UBE2N: variants seen among roughly 807,000 people sequenced by gnomAD.
UBE2N encodes the protein ubiquitin-conjugating enzyme E2 N.
For synonymous variants in UBE2N, 70 were observed against 69.2 expected (o/e 1.01, Z -0.06); for missense variants, 60 against 192.1 (o/e 0.31, Z 4.07).
At chr12:93,420,409 T>C (rs182647839) in intron 1 of UBE2N, among the ~76,000 whole-genome samples, 7 of 152,272 alleles carry the variant, frequency 4.6e-5, no homozygotes, top group East Asian at 1.9e-4. Flanking sequence ...AGTCAAAGTA[T>C]ATATAATCTG....
intron 1 of UBE2N, among the ~76,000 whole-genome samples, chr12:93,436,223 C>T (rs1178349098): frequency 6.6e-6 from 1 of 152,186 alleles, no homozygotes; most frequent in Non-Finnish European, 1.5e-5. Context: ...CACCTGTCTC[C>T]TGAGTAGCTG....
intron 1 of UBE2N, among the ~76,000 whole-genome samples, chr12:93,426,358 G>A (rs1565795835): frequency 1.4e-5 from 2 of 139,858 alleles, no homozygotes; most frequent in Non-Finnish European, 3.0e-5. Context: ...CTAGCAACAC[G>A]AGCCAGCAAT....
intron 1 of UBE2N, among the ~76,000 whole-genome samples, chr12:93,420,384 G>A (rs536774965): frequency 6.6e-6 from 1 of 152,218 alleles, no homozygotes; most frequent in South Asian, 2.1e-4. Flanking sequence ...CTTGGGAGCT[G>A]GAGGGACTTC....
At chr12:93,420,510 A>G (rs1292572049) in intron 1 of UBE2N, among the ~76,000 whole-genome samples, 1 of 152,114 alleles carries the variant, frequency 6.6e-6, no homozygotes, top group Non-Finnish European at 1.5e-5. Context: ...CTCTCCACTT[A>G]CTGTAACTAC....
At chr12:93,432,418 A>G (rs1322961459) in intron 1 of UBE2N, among the ~76,000 whole-genome samples, 1 of 152,082 alleles carries the variant, frequency 6.6e-6, no homozygotes, top group African/African-American at 2.4e-5. Flanking sequence ...CTATGTTACT[A>G]AAACCACTTT....
At position 93,411,741 on chromosome 12, in the gene UBE2N, G is replaced by A. The variant is rs923994669; in HGVS notation, c.31-442C>T. On this transcript the variant is annotated intron_variant, in intron 1 of 3. Transcript: ENST00000318066. Reference sequence around the variant, plus strand: ...AAGATCTCACTTTGTCACTCACGCTGGAGTGCAGTGGCAAGATCTTGGCTC... The same window carrying A: ...AAGATCTCACTTTGTCACTCACGCTAGAGTGCAGTGGCAAGATCTTGGCTC... 4.6e-5 allele frequency among the ~76,000 whole-genome samples: 7 copies of A among 152,008 alleles called. No homozygotes were observed. The East Asian group carries it at 9.6e-4, about 21-fold the overall frequency.
In UBE2N at chr12:93,412,956, A is replaced by G. The variant is rs1359330031; in HGVS notation, c.31-1657T>C. Among the ~76,000 whole-genome samples the G allele has an allele frequency of 2.6e-5, 4 of 152,222 alleles. No homozygotes were observed. The South Asian group carries it at 8.3e-4, about 32-fold the overall frequency. ...AGAATGTTTGCACAGGTCTTCGAAT[A>G]AATTTTGCTTCTAAGAGAAGTTACT... On this transcript the variant is annotated intron_variant, in intron 1 of 3. Transcript: ENST00000318066.
intron 1 of UBE2N, among the ~76,000 whole-genome samples, chr12:93,421,964 G>A (rs1306847972): frequency 2.0e-5 from 3 of 152,196 alleles, no homozygotes; most frequent in Non-Finnish European, 4.4e-5. Context: ...AGGTACAGGA[G>A]GTGTGAGTTA....
At chr12:93,436,102 T>C (rs1057156224) in intron 1 of UBE2N, among the ~76,000 whole-genome samples, 4 of 152,084 alleles carry the variant, frequency 2.6e-5, no homozygotes, top group African/African-American at 9.7e-5. Flanking sequence ...TTTTCATTAT[T>C]ATCATTATTA....
intron 1 of UBE2N, among the ~76,000 whole-genome samples, chr12:93,423,892 T>C (rs1023585709): frequency 2.6e-5 from 4 of 152,354 alleles, no homozygotes; most frequent in African/African-American, 7.2e-5. Flanking sequence ...CTGGTATTTA[T>C]GCCAACGTTC....
intron 1 of UBE2N, among the ~76,000 whole-genome samples, chr12:93,423,196 C>T (rs1007856669): frequency 6.6e-6 from 1 of 152,240 alleles, no homozygotes; most frequent in African/African-American, 2.4e-5. Context: ...TGATGTGATT[C>T]TGAAGTTTGT....
rs117230060 is a variant in UBE2N, at chr12:93,413,415, T to C, written c.31-2116A>G. Among the ~76,000 whole-genome samples the C allele has an allele frequency of 6.0e-3, 907 of 152,234 alleles. 18 individuals are homozygous for C. The East Asian group carries it at 0.072, about 12-fold the overall frequency. Reference sequence around the variant, plus strand: ...TCTCATGTAATGCAATGAATTTAAATACTAAACACACTCTATAAGCTGAAG... The same window carrying C: ...TCTCATGTAATGCAATGAATTTAAACACTAAACACACTCTATAAGCTGAAG... On this transcript the variant is annotated intron_variant, in intron 1 of 3. Transcript: ENST00000318066.
At chr12:93,422,937 A>T (rs1878462874) in intron 1 of UBE2N, among the ~76,000 whole-genome samples, 1 of 152,222 alleles carries the variant, frequency 6.6e-6, no homozygotes, top group East Asian at 1.9e-4. Flanking sequence ...TTGTAGAAAA[A>T]GAAAAACTTA....
At chr12:93,419,947 T>G (rs1467837847) in intron 1 of UBE2N, among the ~76,000 whole-genome samples, 3 of 152,300 alleles carry the variant, frequency 2.0e-5, no homozygotes, top group East Asian at 1.9e-4. Flanking sequence ...CTCCCCCAGA[T>G]AAGCTAACTG....
Position 93,431,314 on chromosome 12 carries a change from T to TTCCACTTCATGTG in UBE2N, c.30+10528_30+10540dup, listed in dbSNP as rs1190165070. Among the ~76,000 whole-genome samples, 27 of 152,320 alleles carry TTCCACTTCATGTG rather than the reference T, an allele frequency of 1.8e-4. 1 individual carries two copies. Among genetic ancestry groups the TTCCACTTCATGTG allele is most frequent in the Middle Eastern group, 6.8e-3 (2 of 294 alleles). On this transcript the variant is annotated intron_variant, in intron 1 of 3. Coordinates refer to ENST00000318066, the MANE Select transcript of UBE2N (RefSeq NM_003348.4). ...ACTTAGATCCTGTTCTTAAACATGT[T>TTCCACTTCATGTG]TCCACTTCATGTGTCCAAATGATAC...
At chr12:93,433,001 G>A (rs1016839776) in intron 1 of UBE2N, among the ~76,000 whole-genome samples, 2 of 140,232 alleles carry the variant, frequency 1.4e-5, no homozygotes, top group South Asian at 2.2e-4. Context: ...GGTGATCTCC[G>A]CTCACTGCAA....
At chr12:93,426,508 G>A (rs11107020) in intron 1 of UBE2N, among the ~76,000 whole-genome samples, 1,758 of 151,750 alleles carry the variant, frequency 0.012, 36 homozygotes, top group African/African-American at 0.04. Context: ...AACACAGGTA[G>A]GAGACACCCT....
At chr12:93,437,288 T>C (rs1375745192) in intron 1 of UBE2N, among the ~76,000 whole-genome samples, 5 of 151,630 alleles carry the variant, frequency 3.3e-5, no homozygotes, top group East Asian at 3.9e-4. Context: ...TGTATGTATA[T>C]AGTGTACTAT....
rs952415133 is a variant in UBE2N, at chr12:93,407,858, C to A, written c.*2181G>T. 2.0e-5 allele frequency: 3 copies of A among 152,164 alleles called. No homozygotes were observed. The highest frequency in any genetic ancestry group is 7.2e-5 in the African/African-American group (3 of 41,446). 9.4% of individuals were successfully genotyped at this position (152,164 alleles called of 1,614,324 possible). A position where few individuals can be genotyped will look rare whatever the true frequency, so the allele number is the denominator to read the frequency against. On this transcript the variant is annotated 3_prime_UTR_variant, in exon 4 of 4. Coordinates refer to ENST00000318066, the MANE Select transcript of UBE2N (RefSeq NM_003348.4). ...TCAACACACTGGCACTCGTTTCATC[C>A]CACTGGTTGAGAAAGCAAGTCTTAG...
Sources: gnomAD v4.1 joint callset for allele counts (sites outside exome capture counted in the v4.1 genomes callset) on GRCh38, gnomAD v4.1.1 for gene constraint, MANE v1.5 for transcripts, NCBI Gene and HGNC (gene_info 2026-07-23, HGNC 2026-07-21) for gene names.